STPG2: variants seen among roughly 807,000 people sequenced by gnomAD.
The protein encoded by STPG2 is sperm tail PG-rich repeat containing 2.
STPG2 carries 56 observed loss-of-function variants against 54.2 expected under a neutral mutation model. The observed-to-expected ratio is 1.03, with a 90% CI of 0.83 to 1.29. STPG2 has a LOEUF of 1.29. STPG2 is among the 50% of genes most tolerant of loss of function. STPG2 has a pLI of 0.00. For missense variants in STPG2, 596 were observed against 544.9 expected, an observed-to-expected ratio of 1.09 and a Z score of -0.93; for synonymous variants, 200 against 181.8, an observed-to-expected ratio of 1.10 and a Z score of -0.81.
chr4:97,796,623 G>T (rs1482232862), intron 9 of STPG2, among the ~76,000 whole-genome samples: 1 of 152,178 alleles, frequency 6.6e-6, no homozygotes. Context: ...ATAGTTTGAA[G>T]TCAGGTAGCA....
intron 3 of STPG2, among the ~76,000 whole-genome samples, chr4:98,110,156 C>T (rs1739303569): frequency 6.8e-6 from 1 of 146,194 alleles, no homozygotes; most frequent in Admixed American, 6.8e-5. Context: ...GACAGCCTGA[C>T]ATGAGCAGGG....
chr4:97,739,368 C>T (rs1415729754), intron 9 of STPG2, among the ~76,000 whole-genome samples: 1 of 152,000 alleles, frequency 6.6e-6, no homozygotes, highest in Admixed American at 6.6e-5. Context: ...AAAATCAGAG[C>T]AGAACTGAAG....
chr4:98,109,672 A>C (rs1359961168), intron 3 of STPG2, among the ~76,000 whole-genome samples: 1 of 152,190 alleles, frequency 6.6e-6, no homozygotes, highest in Admixed American at 6.6e-5. Context: ...AAATAGAAAT[A>C]CCTATTAAAA....
intron 4 of STPG2, among the ~76,000 whole-genome samples, chr4:97,534,814 T>TGCTTCC (rs1321223236): frequency 6.6e-6 from 1 of 152,188 alleles, no homozygotes; most frequent in Non-Finnish European, 1.5e-5. Flanking sequence ...ACCACTACTC[T>TGCTTCC]GCTTCCTGTG....
At chr4:97,748,514 G>T (rs1226031009) in intron 9 of STPG2, among the ~76,000 whole-genome samples, 2 of 151,416 alleles carry the variant, frequency 1.3e-5, no homozygotes. Flanking sequence ...AAAAGTCATA[G>T]AACAAAAAGA....
chr4:97,944,420 T>C (rs1371945956), intron 7 of STPG2, among the ~76,000 whole-genome samples: 1 of 152,000 alleles, frequency 6.6e-6, no homozygotes, highest in African/African-American at 2.4e-5. Context: ...TCTGGGTTAA[T>C]ATATTTTCTA....
At chr4:98,001,183 T>C (rs917054482) in intron 5 of STPG2, among the ~76,000 whole-genome samples, 4 of 152,092 alleles carry the variant, frequency 2.6e-5, no homozygotes, top group African/African-American at 9.7e-5. Context: ...AAAGTAAATA[T>C]GAGTAAATGT....
intron 9 of STPG2, among the ~76,000 whole-genome samples, chr4:97,737,769 C>T (rs1725063781): frequency 6.6e-6 from 1 of 152,164 alleles, no homozygotes; most frequent in Non-Finnish European, 1.5e-5. Flanking sequence ...AGAATGGAAC[C>T]AAGCTGGAAA....
chr4:97,964,679 TC>T (rs1734024772), intron 7 of STPG2, among the ~76,000 whole-genome samples: 1 of 152,198 alleles, frequency 6.6e-6, no homozygotes, highest in Non-Finnish European at 1.5e-5. Flanking sequence ...ATATAACAAT[TC>T]TTACCTTTAA....
intron 5 of STPG2, among the ~76,000 whole-genome samples, chr4:98,054,547 G>T (rs1446460082): frequency 6.6e-6 from 1 of 151,974 alleles, no homozygotes; most frequent in Admixed American, 6.6e-5. Flanking sequence ...TATTTTATCT[G>T]CTAATGTTTT....
chr4:97,449,978 G>T (rs889917465), intron 4 of STPG2, among the ~76,000 whole-genome samples: 4 of 151,998 alleles, frequency 2.6e-5, no homozygotes, highest in Non-Finnish European at 5.9e-5. Context: ...AAGATATATT[G>T]TAAAAAGTCA....
intron 10 of STPG2, among the ~76,000 whole-genome samples, chr4:97,696,123 A>C (rs1014902049): frequency 6.6e-6 from 1 of 152,218 alleles, no homozygotes; most frequent in Non-Finnish European, 1.5e-5. Flanking sequence ...CTATACTATA[A>C]GGCCATAGTC....
At chr4:97,916,059 T>A (rs114119984) in intron 8 of STPG2, among the ~76,000 whole-genome samples, 4 of 152,178 alleles carry the variant, frequency 2.6e-5, no homozygotes, top group African/African-American at 7.2e-5. Flanking sequence ...CATTTCATAA[T>A]GCATCAAGTA....
intron 10 of STPG2, among the ~76,000 whole-genome samples, chr4:97,703,494 A>T (rs1723842116): frequency 7.1e-6 from 1 of 141,616 alleles, no homozygotes; most frequent in Non-Finnish European, 1.5e-5. Flanking sequence ...TATATATAGT[A>T]TATACAGTAT....
chr4:97,817,911 A>C (rs557195060), intron 9 of STPG2, among the ~76,000 whole-genome samples: 79 of 151,954 alleles, frequency 5.2e-4, no homozygotes, highest in African/African-American at 1.8e-3. Context: ...TATGCATCAG[A>C]TCTACTCAGA....
chr4:97,847,615 C>T (rs781650233), intron 8 of STPG2, among the ~76,000 whole-genome samples: 4 of 152,114 alleles, frequency 2.6e-5, no homozygotes, highest in Non-Finnish European at 5.9e-5. Context: ...CAGACTTAAC[C>T]TAATTCCTGC....
intron 10 of STPG2, among the ~76,000 whole-genome samples, chr4:97,593,619 A>C (rs1017651689): frequency 1.3e-5 from 2 of 152,292 alleles, no homozygotes; most frequent in African/African-American, 4.8e-5. Flanking sequence ...GAAACACTGC[A>C]GCCCCAGACC....
rs543886131 is a variant in STPG2 at position 97,732,175 on chromosome 4, G to A, written c.1205-19361C>T. 1.4e-4 allele frequency among the ~76,000 whole-genome samples: 22 copies of A among 152,258 alleles called. No homozygotes were observed. The South Asian group carries it at 1.4e-3, about 10-fold the overall frequency. On this transcript the variant is annotated intron_variant, in intron 9 of 10. Transcript: ENST00000295268. The stretch of plus-strand genomic sequence containing the variant: ...CAGGCACCTATGGTCGCATTTTGCC[G>A]CAGCTGCCCCATTCACAAAATCTTC...
intron 9 of STPG2, among the ~76,000 whole-genome samples, chr4:97,772,946 A>C (rs1726262355): frequency 6.6e-6 from 1 of 152,174 alleles, no homozygotes; most frequent in Non-Finnish European, 1.5e-5. Flanking sequence ...GGTTAAAGAT[A>C]ATTTATTCTC....
Sources: gnomAD v4.1 joint callset for allele counts (sites outside exome capture counted in the v4.1 genomes callset) on GRCh38, gnomAD v4.1.1 for gene constraint, MANE v1.5 for transcripts, NCBI Gene and HGNC (gene_info 2026-07-23, HGNC 2026-07-21) for gene names.